Variants in PRKCE observed in about 807,000 individuals in gnomAD.
The protein encoded by PRKCE is protein kinase C epsilon type.
Under a neutral mutation model 85.4 loss-of-function variants are expected in PRKCE, and 16 were observed. The observed-to-expected ratio is 0.19, with a 90% CI of 0.13 to 0.28. The LOEUF (loss-of-function observed/expected upper bound fraction) is 0.28, where lower values mean the gene tolerates loss of function less well. Ranked by LOEUF, PRKCE falls within the 10% of genes least tolerant of loss-of-function variation. The pLI is 1.00. For missense variants in PRKCE, 573 were observed against 975.2 expected (o/e 0.59, Z 5.49); for synonymous variants, 388 against 371.5 (o/e 1.04, Z -0.51).
chr2:45,868,470 C>A (rs1466475436), intron 2 of PRKCE, among the ~76,000 whole-genome samples: 2 of 151,350 alleles, frequency 1.3e-5, no homozygotes, highest in Admixed American at 1.3e-4. Flanking sequence ...GCCACAGGCA[C>A]CTGCCACCAC....
At chr2:45,920,105 T>C (rs1042771022) in intron 2 of PRKCE, among the ~76,000 whole-genome samples, 2 of 152,244 alleles carry the variant, frequency 1.3e-5, no homozygotes, top group African/African-American at 4.8e-5. Context: ...CCAGAACTAG[T>C]AGCCCCACTG....
intron 2 of PRKCE, among the ~76,000 whole-genome samples, chr2:45,935,701 C>T (rs1475042384): frequency 6.6e-6 from 1 of 151,168 alleles, no homozygotes; most frequent in Non-Finnish European, 1.5e-5. Context: ...AGAAGAATTG[C>T]TTGAACCCAG....
intron 2 of PRKCE, among the ~76,000 whole-genome samples, chr2:45,952,965 C>A (rs1700725587): frequency 1.3e-5 from 2 of 152,214 alleles, no homozygotes; most frequent in Admixed American, 6.5e-5. Flanking sequence ...TGAGTTCACC[C>A]TGACATCTCA....
intron 1 of PRKCE, among the ~76,000 whole-genome samples, chr2:45,802,020 C>A (rs911479726): frequency 1.3e-5 from 2 of 149,564 alleles, no homozygotes; most frequent in Admixed American, 1.3e-4. Context: ...AAGGCCAAGG[C>A]GAGAGGATCA....
chr2:45,792,906 C>A (rs1157660095), intron 1 of PRKCE, among the ~76,000 whole-genome samples: 5 of 152,164 alleles, frequency 3.3e-5, no homozygotes, highest in African/African-American at 1.2e-4. Flanking sequence ...TCAGGTGATT[C>A]TCCTGCCTTA....
At position 46,004,725 on chromosome 2, in the gene PRKCE, G is replaced by A. The variant is rs1705019288; in HGVS notation, c.1063+87G>A. The A allele has an allele frequency of 8.6e-7, 1 of 1,158,558 alleles. No homozygotes were observed. Among genetic ancestry groups the A allele is most frequent in the African/African-American group, 1.5e-5 (1 of 65,362 alleles). The allele number at this position is 1,158,558 out of a possible 1,614,324, so 71.8% of individuals were successfully genotyped here. On this transcript the variant is annotated intron_variant, in intron 8 of 14. Coordinates refer to ENST00000306156, the MANE Select transcript of PRKCE (RefSeq NM_005400.3). The surrounding 1 kb of genome is among the most constrained non-coding windows in gnomAD (Gnocchi z 4.1). ...CTGAGGCCTCTTTAACCAAGAGTGA[G>A]CTTGTTAGCTGAAATAGCTAGCAGC... is the stretch of plus-strand genomic sequence containing the variant.
chr2:46,002,175 G>A (rs952204539), intron 7 of PRKCE, among the ~76,000 whole-genome samples: 1 of 152,206 alleles, frequency 6.6e-6, no homozygotes, highest in African/African-American at 2.4e-5. Flanking sequence ...GTAAACAGGG[G>A]GAAAGGCATC....
chr2:46,028,298 C>G (rs941400702), intron 10 of PRKCE, among the ~76,000 whole-genome samples: 1 of 152,220 alleles, frequency 6.6e-6, no homozygotes, highest in African/African-American at 2.4e-5. Flanking sequence ...CAGCAAGCAG[C>G]TCTGAGTTGG....
intron 2 of PRKCE, among the ~76,000 whole-genome samples, chr2:45,852,778 G>A (rs1422054294): frequency 1.3e-5 from 2 of 152,190 alleles, no homozygotes; most frequent in Non-Finnish European, 2.9e-5. Flanking sequence ...AAGTCTAAAT[G>A]GATCTGCCAG....
At chr2:45,884,997 A>ATTTTTT (rs1360794938) in intron 2 of PRKCE, among the ~76,000 whole-genome samples, 1 of 69,628 alleles carries the variant, frequency 1.4e-5, no homozygotes, top group Admixed American at 1.7e-4. Context: ...ATATATATAT[A>ATTTTTT]TATATTTGTT....
intron 1 of PRKCE, among the ~76,000 whole-genome samples, chr2:45,665,776 A>T (rs925316384): frequency 9.2e-5 from 14 of 152,146 alleles, no homozygotes; most frequent in African/African-American, 3.4e-4. Context: ...TTCATATGCA[A>T]TTCAAATTTA....
intron 11 of PRKCE, among the ~76,000 whole-genome samples, chr2:46,114,633 A>T (rs1354813741): frequency 6.6e-6 from 1 of 150,924 alleles, no homozygotes; most frequent in Admixed American, 6.6e-5. Flanking sequence ...GTTAGCCAGG[A>T]TGGTCTCGAT....
At chr2:45,885,183 T>G (rs1695204441) in intron 2 of PRKCE, among the ~76,000 whole-genome samples, 1 of 151,924 alleles carries the variant, frequency 6.6e-6, no homozygotes, top group African/African-American at 2.4e-5. Context: ...GAATTATCTT[T>G]TGCACTTGGC....
At chr2:46,052,303 C>T (rs570201411) in intron 10 of PRKCE, among the ~76,000 whole-genome samples, 1 of 152,258 alleles carries the variant, frequency 6.6e-6, no homozygotes, top group Admixed American at 6.5e-5. Context: ...AGCAAGGCCA[C>T]AGGAGACAAG....
intron 1 of PRKCE, among the ~76,000 whole-genome samples, chr2:45,718,063 A>G (rs759446112): frequency 1.2e-4 from 19 of 152,226 alleles, no homozygotes; most frequent in Non-Finnish European, 2.6e-4. Flanking sequence ...GATCAAGACC[A>G]TGGGTTTATA....
chr2:45,652,246 C>T lies in PRKCE; in HGVS notation c.146C>T (p.Ser49Leu), dbSNP rs752535470. 3 of 1,613,328 alleles carry T rather than the reference C, an allele frequency of 1.9e-6. No individual in the cohort carries two copies. The highest frequency in any genetic ancestry group is 2.5e-6 in the Non-Finnish European group (3 of 1,180,000). The change falls in exon 1 of 15, where the codon TCG (serine) becomes TTG (leucine). Residue 49 changes from serine (S) to leucine (L), a missense_variant. Ser to Leu is a moderately radical substitution (Grantham distance 145, BLOSUM62 -2). Around this residue, in one of 11 missense-constraint regions of PRKCE, gnomAD observed 100 missense variants for 177.1 expected, o/e 0.56. Coordinates refer to ENST00000306156, the MANE Select transcript of PRKCE (RefSeq NM_005400.3). This position sits in a 1 kb window ranked among gnomAD's most constrained non-coding sequence, Gnocchi z 7.7. The part of the protein sequence containing the change: ...DPYIALNVDD[S>L]RIGQTATKQK... ...TACATTGCCCTCAATGTGGACGACTCGCGCATCGGCCAAACGGCCACCAAG... is the reference window on the plus strand; with the variant it reads ...TACATTGCCCTCAATGTGGACGACTTGCGCATCGGCCAAACGGCCACCAAG...
intron 10 of PRKCE, among the ~76,000 whole-genome samples, chr2:46,064,995 A>T (rs1295731719): frequency 1.3e-5 from 2 of 152,212 alleles, no homozygotes; most frequent in Non-Finnish European, 2.9e-5. Context: ...TTCATGTTCT[A>T]GCTTGAGAAG....
intron 2 of PRKCE, among the ~76,000 whole-genome samples, chr2:45,875,679 A>G (rs1232440576): frequency 2.0e-5 from 3 of 152,244 alleles, no homozygotes; most frequent in Non-Finnish European, 4.4e-5. Flanking sequence ...ATATTTTGCC[A>G]CTACTAAACT....
At chr2:45,902,225 G>A (rs1696633248) in intron 2 of PRKCE, among the ~76,000 whole-genome samples, 1 of 152,186 alleles carries the variant, frequency 6.6e-6, no homozygotes, top group African/African-American at 2.4e-5. Flanking sequence ...CTCTCGTAGT[G>A]CATGAGAGAA....
Sources: allele counts gnomAD v4.1 joint callset (sites outside exome capture counted in the v4.1 genomes callset), GRCh38; gene constraint gnomAD v4.1.1; regional missense constraint gnomAD v4.1.1; non-coding constraint Gnocchi (gnomAD v3.1); transcripts MANE v1.5; gene names NCBI Gene and HGNC (gene_info 2026-07-23, HGNC 2026-07-21).